Variants in TBC1D22A observed in about 807,000 individuals in gnomAD.
The protein encoded by TBC1D22A is putative GTPase activator.
A neutral mutation model predicts 60.2 loss-of-function variants in TBC1D22A; 38 were observed. The observed-to-expected ratio is 0.63, with a 90% CI of 0.49 to 0.83. The LOEUF (loss-of-function observed/expected upper bound fraction) is 0.83, where lower values mean the gene tolerates loss of function less well. TBC1D22A is among the 40% of genes least tolerant of loss of function. TBC1D22A has a pLI of 0.00. For missense variants in TBC1D22A, 628 were observed against 701.0 expected (o/e 0.90, Z 1.18); for synonymous variants, 302 against 281.7 (o/e 1.07, Z -0.72).
At chr22:46,992,289 C>T (rs1315967509) in intron 9 of TBC1D22A, among the ~76,000 whole-genome samples, 5 of 152,262 alleles carry the variant, frequency 3.3e-5, no homozygotes, top group East Asian at 3.8e-4. Flanking sequence ...CCCTCCAGTG[C>T]GGGGCTGGGA....
At chr22:47,148,642 C>T (rs1738040773) in intron 12 of TBC1D22A, among the ~76,000 whole-genome samples, 1 of 145,684 alleles carries the variant, frequency 6.9e-6, no homozygotes, top group African/African-American at 2.7e-5. Context: ...CCTCCCTCCC[C>T]TGGGTTCCTC....
At chr22:46,887,193 C>T (rs1323961761) in intron 5 of TBC1D22A, among the ~76,000 whole-genome samples, 1 of 152,234 alleles carries the variant, frequency 6.6e-6, no homozygotes, top group Non-Finnish European at 1.5e-5. Context: ...TGTACTCATA[C>T]TTCACAGATG....
At chr22:47,015,299 TC>T (rs1026760343) in intron 10 of TBC1D22A, among the ~76,000 whole-genome samples, 2 of 151,994 alleles carry the variant, frequency 1.3e-5, no homozygotes, top group African/African-American at 4.8e-5. Flanking sequence ...CTCCCGAGGG[TC>T]CCTCTGCCTA....
intron 12 of TBC1D22A, among the ~76,000 whole-genome samples, chr22:47,148,248 G>A (rs1475147023): frequency 6.6e-6 from 1 of 151,880 alleles, no homozygotes; most frequent in Non-Finnish European, 1.5e-5. Flanking sequence ...ACAACGTCTG[G>A]GGAAAACCTG....
Position 46,781,651 on chromosome 22 carries a change from T to C in TBC1D22A, c.63-10869T>C, listed in dbSNP as rs1482158667. On this transcript the variant is annotated intron_variant, in intron 1 of 12. Coordinates refer to ENST00000337137, the MANE Select transcript of TBC1D22A (RefSeq NM_014346.5). ...GAGGGCATGGGGAGGTCTTTTTGGTTGGGGGTCTTCTCCAGGGCACAGCCT... is the reference window on the plus strand; with the variant it reads ...GAGGGCATGGGGAGGTCTTTTTGGTCGGGGGTCTTCTCCAGGGCACAGCCT... Among the ~76,000 whole-genome samples the C allele has an allele frequency of 2.0e-5, 3 of 152,226 alleles. No homozygotes were observed. In the East Asian group the frequency reaches 5.8e-4, roughly 29 times the overall value.
chr22:47,015,617 A>G (rs1223793484), intron 10 of TBC1D22A, among the ~76,000 whole-genome samples: 2 of 152,194 alleles, frequency 1.3e-5, no homozygotes, highest in African/African-American at 4.8e-5. Flanking sequence ...TTCTGGTTGA[A>G]CACGTTTTAC....
intron 4 of TBC1D22A, among the ~76,000 whole-genome samples, chr22:46,828,329 AG>A (rs1225080196): frequency 5.3e-5 from 8 of 152,266 alleles, no homozygotes; most frequent in African/African-American, 1.7e-4. Flanking sequence ...AAGATTGAAA[AG>A]GCAAGAAGCC....
chr22:47,165,518 C>G (rs1241431168), intron 12 of TBC1D22A, among the ~76,000 whole-genome samples: 1 of 151,752 alleles, frequency 6.6e-6, no homozygotes, highest in Non-Finnish European at 1.5e-5. Flanking sequence ...CTGCTGGGCT[C>G]TGGAGCAGGC....
intron 4 of TBC1D22A, among the ~76,000 whole-genome samples, chr22:46,869,020 C>T (rs1041097641): frequency 4.6e-5 from 7 of 152,212 alleles, no homozygotes; most frequent in African/African-American, 1.4e-4. Flanking sequence ...TCCGTGTTGG[C>T]GTCCCCTTGT....
chr22:46,956,702 C>A (rs1569270094), intron 8 of TBC1D22A, among the ~76,000 whole-genome samples: 1 of 152,050 alleles, frequency 6.6e-6, no homozygotes, highest in South Asian at 2.1e-4. Context: ...GTCTGTGGGG[C>A]GCGTTCCCCT....
intron 4 of TBC1D22A, among the ~76,000 whole-genome samples, chr22:46,867,015 C>T (rs2067087824): frequency 6.6e-6 from 1 of 152,232 alleles, no homozygotes; most frequent in Non-Finnish European, 1.5e-5. Flanking sequence ...ATGATGACTA[C>T]AGGATTTGTC....
chr22:46,875,290 CAAAG>C (rs2147466227), intron 4 of TBC1D22A, among the ~76,000 whole-genome samples: 1 of 152,192 alleles, frequency 6.6e-6, no homozygotes, highest in East Asian at 1.9e-4. Flanking sequence ...AAATAGGACA[CAAAG>C]GATATATACT....
At position 46,777,405 on chromosome 22, in the gene TBC1D22A, G is replaced by A. The variant is rs1248315165; in HGVS notation, c.62+14557G>A. Among the ~76,000 whole-genome samples the A allele has an allele frequency of 6.6e-6, 1 of 152,142 alleles. No homozygotes were observed. Among genetic ancestry groups the A allele is most frequent in the Non-Finnish European group, 1.5e-5 (1 of 68,022 alleles). ...AGAGTGGGTGTGAGGAGTGGCCGGT[G>A]GGGCACAGCTGATTTTTTGGGGGAA... On this transcript the variant is annotated intron_variant, in intron 1 of 12. Transcript: ENST00000337137. The surrounding 1 kb of genome is among the most constrained non-coding windows in gnomAD (Gnocchi z 4.5).
chr22:46,977,457 A>AGCTGAT (rs1602763062), intron 9 of TBC1D22A, among the ~76,000 whole-genome samples: 2 of 152,246 alleles, frequency 1.3e-5, no homozygotes, highest in East Asian at 3.9e-4. Context: ...GGGATGGAGC[A>AGCTGAT]GGGGGAGTGG....
chr22:47,055,751 C>T (rs1201956506), intron 11 of TBC1D22A, among the ~76,000 whole-genome samples: 1 of 151,962 alleles, frequency 6.6e-6, no homozygotes, highest in Non-Finnish European at 1.5e-5. Context: ...AGGAAAAGGC[C>T]ATTTAAAAGC....
intron 11 of TBC1D22A, among the ~76,000 whole-genome samples, chr22:47,085,860 T>G (rs1245202555): frequency 1.3e-5 from 2 of 152,202 alleles, no homozygotes; most frequent in Non-Finnish European, 2.9e-5. Flanking sequence ...ATAGCTAGAC[T>G]TTTTAGAAGA....
At chr22:46,782,904 G>T (rs1313850404) in intron 1 of TBC1D22A, among the ~76,000 whole-genome samples, 1 of 152,156 alleles carries the variant, frequency 6.6e-6, no homozygotes, top group Admixed American at 6.5e-5. Flanking sequence ...TTCTTTGGCT[G>T]TTATGGTTAA....
In TBC1D22A at chr22:46,768,428, T is replaced by TAC. The variant is rs2083366587; in HGVS notation, c.62+5580_62+5581insAC. Among the ~76,000 whole-genome samples, 3 of 136,542 alleles carry TAC rather than the reference T, an allele frequency of 2.2e-5. No homozygotes were observed. The Admixed American group carries it at 2.7e-4, about 12-fold the overall frequency. 89.6% of individuals were successfully genotyped at this position (136,542 alleles called of 152,430 possible). A position where few individuals can be genotyped will look rare whatever the true frequency, so the allele number is the denominator to read the frequency against. ...TGAACACAGGAGGCAGAGGTTGCAG[T>TAC]GAGCCAAGGTCGCGCCACCGCCCCG... On this transcript the variant is annotated intron_variant, in intron 1 of 12. Transcript: ENST00000337137.
chr22:47,097,098 G>GCCCCC lies in TBC1D22A; in HGVS notation c.1330-14410_1330-14409insCCCCC, dbSNP rs1158851733. On this transcript the variant is annotated intron_variant, in intron 11 of 12. Coordinates refer to ENST00000337137, the MANE Select transcript of TBC1D22A (RefSeq NM_014346.5). ...GTGGCCTCCACATGAGTATGGGCGT[G>GCCCCC]GCCCCGTGTCCTCTGTTCCACTGCT... 1.8e-3 allele frequency among the ~76,000 whole-genome samples: 278 copies of GCCCCC among 152,214 alleles called. 4 individuals carry two copies. The highest frequency in any genetic ancestry group is 5.3e-3 in the African/African-American group (222 of 41,538).
Sources: gnomAD v4.1 joint callset for allele counts (sites outside exome capture counted in the v4.1 genomes callset) on GRCh38, gnomAD v4.1.1 for gene constraint, Gnocchi (gnomAD v3.1) non-coding constraint, MANE v1.5 for transcripts, NCBI Gene and HGNC (gene_info 2026-07-23, HGNC 2026-07-21) for gene names.